The following ATAD2B variants were observed in gnomAD, a reference collection of about 807,000 sequenced individuals.
ATAD2B encodes the protein ATPase family AAA domain containing 2B, also known as ATPase family AAA domain-containing protein 2B.
In ATAD2B, 40 loss-of-function variants were observed where a neutral mutation model predicts 167.6. That is an observed-to-expected ratio of 0.24 (90% CI 0.19 to 0.31). The LOEUF is 0.31. ATAD2B is among the 10% of genes least tolerant of loss of function. ATAD2B has a pLI of 1.00. For missense variants in ATAD2B, 1,242 were observed against 1,757.2 expected (o/e 0.71, Z 5.24); for synonymous variants, 579 against 596.5 (o/e 0.97, Z 0.43).
intron 22 of ATAD2B, among the ~76,000 whole-genome samples, chr2:23,770,560 G>A (rs1387610656): frequency 6.6e-6 from 1 of 152,054 alleles, no homozygotes; most frequent in African/African-American, 2.4e-5. Flanking sequence ...TTTTTTGCAT[G>A]CTGATATCCA....
chr2:23,926,722 G>A lies in ATAD2B; in HGVS notation c.49C>T (p.Pro17Ser), dbSNP rs1331162147. ...GCCCCAGGCCCAGGCCCGGGACCAG[G>A]AGACTTGGACCCGAGAAGGCGGAGA... The part of the protein sequence containing the change: ...SSLRLLGSKS[P>S]GPGPGPGAGA... The change falls in exon 1 of 28, where the codon CCT (proline) becomes TCT (serine). Residue 17 changes from proline (P) to serine (S), a missense_variant. This residue lies in a region of ATAD2B where 199 missense variants were observed against 194.9 expected (regional missense o/e 1.02). Transcript: ENST00000238789. The A allele has an allele frequency of 2.6e-6, 4 of 1,549,406 alleles. No homozygotes were observed. Among genetic ancestry groups the A allele is most frequent in the East Asian group, 4.9e-5 (2 of 40,896 alleles).
intron 12 of ATAD2B, among the ~76,000 whole-genome samples, chr2:23,860,007 T>C (rs533029688): frequency 2.5e-4 from 38 of 152,190 alleles, no homozygotes; most frequent in African/African-American, 9.1e-4. Context: ...GTAGGACCTT[T>C]AAAAAGTGTG....
At chr2:23,857,386 A>G in intron 13 of ATAD2B, 29 bp downstream of exon 13, 1 of 1,296,574 alleles carries the variant, frequency 7.7e-7, no homozygotes, top group Non-Finnish European at 1.1e-6. Flanking sequence ...TAAAAAAGAA[A>G]TCAAGATAAT....
chr2:23,889,671 G>A (rs144744495), intron 2 of ATAD2B, among the ~76,000 whole-genome samples: 11,507 of 151,542 alleles, frequency 0.076, 503 homozygotes, highest in African/African-American at 0.13. Flanking sequence ...TATAATCCCA[G>A]CACTTTGAGA....
chr2:23,744,122 G>C (rs1674668392), downstream of ATAD2B, among the ~76,000 whole-genome samples: 1 of 152,176 alleles, frequency 6.6e-6, no homozygotes, highest in Admixed American at 6.5e-5. Context: ...GACAAGAAGT[G>C]TGAAACGTGT....
At chr2:23,764,696 G>T (rs752607511) in intron 23 of ATAD2B, among the ~76,000 whole-genome samples, 2 of 152,122 alleles carry the variant, frequency 1.3e-5, no homozygotes, top group Non-Finnish European at 2.9e-5. Context: ...TCTCTAAAAA[G>T]GTAGAAGAAA....
At position 23,786,101 on chromosome 2, in the gene ATAD2B, G is replaced by A; in HGVS notation, c.2899C>T (p.Leu967Phe). ...ENTLRELRLF[L>F]RDVTKRLATD... ...GCCAGCCTCTTGGTTACATCCCTGA[G>A]AAACAACCGCAACTCTCTTAAAGTA... is the stretch of plus-strand genomic sequence containing the variant. The change falls in exon 21 of 28, where the codon CTC becomes TTC. Residue 967 changes from leucine to phenylalanine, a missense_variant. This residue lies in a region of ATAD2B where 204 missense variants were observed against 324.0 expected (regional missense o/e 0.63). Coordinates refer to ENST00000238789, the MANE Select transcript of ATAD2B (RefSeq NM_017552.4). 1 of 1,611,800 alleles carries A rather than the reference G, an allele frequency of 6.2e-7. No homozygotes were observed. Among genetic ancestry groups the A allele is most frequent in the Non-Finnish European group, 8.5e-7 (1 of 1,178,906 alleles).
chr2:23,714,427 A>T, the ATAD2B span, among the ~76,000 whole-genome samples: 1 of 127,130 alleles, frequency 7.9e-6, no homozygotes. Context: ...TTTTTAGTAG[A>T]GACAGGGTTT....
intron 15 of ATAD2B, among the ~76,000 whole-genome samples, chr2:23,825,969 T>A (rs932182801): frequency 1.3e-5 from 2 of 152,154 alleles, no homozygotes; most frequent in Admixed American, 6.5e-5. Flanking sequence ...GATTTTCACA[T>A]TAATTATTAT....
chr2:23,777,949 C>G (rs1679414944), intron 22 of ATAD2B, among the ~76,000 whole-genome samples: 1 of 152,160 alleles, frequency 6.6e-6, no homozygotes, highest in Non-Finnish European at 1.5e-5. Context: ...CTTTTGTCTT[C>G]TATGTATATG....
the ATAD2B span, among the ~76,000 whole-genome samples, chr2:23,734,063 A>T: frequency 6.6e-6 from 1 of 151,978 alleles, no homozygotes; most frequent in African/African-American, 2.4e-5. Context: ...CTCAGGGGGG[A>T]AAAAAGCCTT....
chr2:23,741,647 G>C, the ATAD2B span, among the ~76,000 whole-genome samples: 1 of 152,264 alleles, frequency 6.6e-6, no homozygotes, highest in South Asian at 2.1e-4. Flanking sequence ...GCATGGGCAA[G>C]GACGTCATGT....
intron 1 of ATAD2B, among the ~76,000 whole-genome samples, chr2:23,915,820 T>C (rs1299581526): frequency 2.2e-4 from 33 of 151,924 alleles, no homozygotes; most frequent in Admixed American, 2.2e-3. Flanking sequence ...CTCGAACTCC[T>C]GACCTCATGA....
intron 13 of ATAD2B, 77 bp from the exon 14 acceptor site, chr2:23,834,155 T>A: frequency 1.2e-5 from 7 of 604,118 alleles, no homozygotes; most frequent in East Asian, 4.3e-5. Context: ...AGTCTTTCTT[T>A]TTTTTTTTTT....
At chr2:23,727,885 T>TTAG in the ATAD2B span, among the ~76,000 whole-genome samples, 1 of 152,130 alleles carries the variant, frequency 6.6e-6, no homozygotes, top group African/African-American at 2.4e-5. Context: ...AGTAAAAATA[T>TTAG]TAGTGGCTGT....
chr2:23,788,702 C>T lies in ATAD2B; in HGVS notation c.2641-55G>A, dbSNP rs764676717. On this transcript the variant is annotated intron_variant, in intron 19 of 27. Transcript: ENST00000238789. The stretch of plus-strand genomic sequence containing the variant: ...AAATATATAAAGAATTAAAAGCTTA[C>T]ATATCATACCAAATTGCAATGTCTT... The T allele has an allele frequency of 2.7e-4, 370 of 1,356,734 alleles. 1 individual carries two copies. The highest frequency in any genetic ancestry group is 3.6e-4 in the Non-Finnish European group (357 of 1,000,460). The allele number at this position is 1,356,734 out of a possible 1,614,324, so 84.0% of individuals were successfully genotyped here.
At chr2:23,711,741 TGGAG>T in the ATAD2B span, among the ~76,000 whole-genome samples, 1 of 152,108 alleles carries the variant, frequency 6.6e-6, no homozygotes, top group African/African-American at 2.4e-5. Context: ...CCATAAGCAA[TGGAG>T]AAGTTAGAGA....
intron 13 of ATAD2B, among the ~76,000 whole-genome samples, chr2:23,856,779 G>C (rs1205797408): frequency 6.6e-6 from 1 of 152,016 alleles, no homozygotes; most frequent in East Asian, 1.9e-4. Flanking sequence ...AGAATCACTT[G>C]AACCCAGGAA....
At chr2:23,685,743 G>C in the ATAD2B span, among the ~76,000 whole-genome samples, 1 of 152,314 alleles carries the variant, frequency 6.6e-6, no homozygotes, top group South Asian at 2.1e-4. Context: ...CAGGGGTTAG[G>C]GGCATGTGGT....
Sources: gnomAD v4.1 joint callset for allele counts (sites outside exome capture counted in the v4.1 genomes callset) on GRCh38, gnomAD v4.1.1 for gene constraint, gnomAD v4.1.1 regional missense constraint, MANE v1.5 for transcripts, NCBI Gene and HGNC (gene_info 2026-07-23, HGNC 2026-07-21) for gene names.